Variants in GARNL3 observed in about 807,000 individuals in gnomAD.
The protein encoded by GARNL3 is GTPase-activating Rap/Ran-GAP domain-like protein 3.
In GARNL3, 63 loss-of-function variants were observed where a neutral mutation model predicts 125.0. The observed-to-expected ratio is 0.50, with a 90% CI of 0.41 to 0.62. The LOEUF is 0.62. GARNL3 is among the 20% of genes least tolerant of loss of function. The probability of loss-of-function intolerance (pLI) is 0.00; values close to 1 mark genes in which losing one functional copy is unlikely to be tolerated. For synonymous variants in GARNL3, 439 were observed against 457.5 expected (o/e 0.96, Z 0.52); for missense variants, 994 against 1,244.0 (o/e 0.80, Z 3.02).
intron 2 of GARNL3, among the ~76,000 whole-genome samples, chr9:127,251,407 T>C (rs1160400274): frequency 6.6e-6 from 1 of 152,016 alleles, no homozygotes; most frequent in Non-Finnish European, 1.5e-5. Flanking sequence ...TTGTTTTGTT[T>C]TGTTTTTTTC....
At chr9:127,333,831 A>G (rs747998353) in intron 9 of GARNL3, among the ~76,000 whole-genome samples, 4 of 152,136 alleles carry the variant, frequency 2.6e-5, no homozygotes, top group Admixed American at 6.5e-5. Context: ...TTGAGGTTAT[A>G]TTAATAAGTC....
At position 127,264,823 on chromosome 9, in the gene GARNL3, C is replaced by CT; in HGVS notation, c.-54dup. 1 of 1,452,698 alleles carries CT rather than the reference C, an allele frequency of 6.9e-7. No individual in the cohort carries two copies. Among genetic ancestry groups the CT allele is most frequent in the Non-Finnish European group, 9.2e-7 (1 of 1,089,668 alleles). 90.0% of individuals were successfully genotyped at this position (1,452,698 alleles called of 1,614,324 possible). The stretch of plus-strand genomic sequence containing the variant: ...CTGTGTCTGTTGCAAGGAGGCTCCC[C>CT]TGCAGTGAGGAGCCGGGGCACTGCA... On this transcript the variant is annotated 5_prime_UTR_variant, in exon 1 of 28. It removes the in-frame stop codon of an upstream open reading frame in the 5' UTR. Coordinates refer to ENST00000373387, the MANE Select transcript of GARNL3 (RefSeq NM_032293.5).
At chr9:127,285,095 A>G (rs1284234070) in intron 1 of GARNL3, among the ~76,000 whole-genome samples, 1 of 152,216 alleles carries the variant, frequency 6.6e-6, no homozygotes, top group Non-Finnish European at 1.5e-5. Context: ...GTACAATTTT[A>G]TAGAATATTT....
At chr9:127,302,286 A>G (rs375208132) in intron 2 of GARNL3, among the ~76,000 whole-genome samples, 35 of 152,074 alleles carry the variant, frequency 2.3e-4, no homozygotes, top group African/African-American at 8.4e-4. Flanking sequence ...AATTACCACA[A>G]TCTTTTGGGA....
At chr9:127,307,323 A>G (rs1317321117) in intron 2 of GARNL3, among the ~76,000 whole-genome samples, 1 of 152,184 alleles carries the variant, frequency 6.6e-6, no homozygotes, top group Non-Finnish European at 1.5e-5. Context: ...GATGGGCCCA[A>G]GAGTGCACAT....
At chr9:127,316,630 G>A (rs1030672667) in intron 4 of GARNL3, among the ~76,000 whole-genome samples, 3 of 152,154 alleles carry the variant, frequency 2.0e-5, no homozygotes, top group Admixed American at 1.3e-4. Context: ...AATCTCTGTA[G>A]CACAAACTAC....
upstream of GARNL3, among the ~76,000 whole-genome samples, chr9:127,259,887 A>T (rs529188779): frequency 2.5e-3 from 381 of 151,976 alleles, 2 homozygotes; most frequent in Non-Finnish European, 3.9e-3. Flanking sequence ...ACAAAAAAAA[A>T]TTTTTTTAAA....
chr9:127,386,854 C>T (rs914118691), intron 24 of GARNL3, among the ~76,000 whole-genome samples: 1 of 152,218 alleles, frequency 6.6e-6, no homozygotes, highest in African/African-American at 2.4e-5. Flanking sequence ...AGATCTTTCC[C>T]GTTCTAACAC....
intron 2 of GARNL3, among the ~76,000 whole-genome samples, chr9:127,294,360 A>AATGGC: frequency 6.6e-6 from 1 of 151,984 alleles, no homozygotes; most frequent in Non-Finnish European, 1.5e-5. Flanking sequence ...GCTGGAGTGC[A>AATGGC]GTGACACTAT....
chr9:127,359,007 TG>T (rs1486786392), intron 21 of GARNL3, among the ~76,000 whole-genome samples: 1 of 152,100 alleles, frequency 6.6e-6, no homozygotes, highest in African/African-American at 2.4e-5. Context: ...TGTTTAAGTC[TG>T]CCCCCAGGTG....
At position 127,353,859 on chromosome 9, in the gene GARNL3, A is replaced by G; in HGVS notation, c.1557A>G (p.Ser519=). The G allele has an allele frequency of 6.2e-7, 1 of 1,612,458 alleles. No individual in the cohort carries two copies. The highest frequency in any genetic ancestry group is 2.2e-5 in the East Asian group (1 of 44,872). The change falls in exon 18 of 28, where the codon TCA becomes TCG. Residue 519 remains serine (S), a synonymous_variant. Transcript: ENST00000373387. ...GVLLVDDDLP[S]VPVFDRTLPV... ...TTCCTTTTCCAGATGACCTTCCATC[A>G]GTGCCCGTGTTTGACAGAACTCTGC... is the stretch of plus-strand genomic sequence containing the variant.
intron 27 of GARNL3, 57 bp downstream of exon 27, chr9:127,390,824 C>T: frequency 1.3e-6 from 2 of 1,539,568 alleles, no homozygotes; most frequent in Admixed American, 3.9e-5. Flanking sequence ...CACAGCACTG[C>T]CCAGGAGGCC....
intron 9 of GARNL3, among the ~76,000 whole-genome samples, chr9:127,334,495 G>T (rs765209794): frequency 8.5e-5 from 13 of 152,188 alleles, no homozygotes; most frequent in Non-Finnish European, 1.8e-4. Context: ...TAGGGGATTG[G>T]GCCCCAGTTG....
intron 7 of GARNL3, among the ~76,000 whole-genome samples, chr9:127,331,720 C>CTTGCTTTTTTTTTT (rs367597623): frequency 1.3e-5 from 1 of 74,408 alleles, no homozygotes; most frequent in African/African-American, 4.8e-5. Flanking sequence ...CTTGGGCTTG[C>CTTGCTTTTTTTTTT]TTTTTTTTTT....
At chr9:127,298,217 T>A (rs1347648426) in intron 2 of GARNL3, among the ~76,000 whole-genome samples, 3 of 152,234 alleles carry the variant, frequency 2.0e-5, no homozygotes, top group Non-Finnish European at 2.9e-5. Flanking sequence ...TGGCTCTTAT[T>A]GCCCAGGCTG....
At chr9:127,251,605 T>G (rs1005551138) in intron 2 of GARNL3, among the ~76,000 whole-genome samples, 2 of 152,212 alleles carry the variant, frequency 1.3e-5, no homozygotes, top group African/African-American at 4.8e-5. Context: ...AAATTTGGAA[T>G]ACAATATAGA....
intron 22 of GARNL3, 91 bp downstream of exon 22, chr9:127,365,457 C>G (rs1831235995): frequency 2.0e-6 from 2 of 1,018,580 alleles, no homozygotes; most frequent in Admixed American, 3.7e-5. Context: ...CTTAGATTTA[C>G]CCAGTGTATC....
At chr9:127,274,177 C>T (rs2063894926) in intron 1 of GARNL3, among the ~76,000 whole-genome samples, 2 of 152,142 alleles carry the variant, frequency 1.3e-5, no homozygotes, top group South Asian at 4.1e-4. Context: ...TTGTCTCCTC[C>T]CTACCCTACT....
chr9:127,248,349 T>C (rs1189952467), intron 2 of GARNL3, among the ~76,000 whole-genome samples: 3 of 152,138 alleles, frequency 2.0e-5, no homozygotes, highest in East Asian at 3.9e-4. Flanking sequence ...CCAAGTCTTC[T>C]AGAGGTAGGC....
Sources: allele counts gnomAD v4.1 joint callset (sites outside exome capture counted in the v4.1 genomes callset), GRCh38; gene constraint gnomAD v4.1.1; transcripts MANE v1.5; gene names NCBI Gene and HGNC (gene_info 2026-07-23, HGNC 2026-07-21).